LGALS9B: variants seen among roughly 807,000 people sequenced by gnomAD.
LGALS9B encodes galectin-9B.
In LGALS9B, 8 loss-of-function variants were observed where a neutral mutation model predicts 35.9. That is an observed-to-expected ratio of 0.22 (90% CI 0.13 to 0.40). The LOEUF (loss-of-function observed/expected upper bound fraction) is 0.40, where lower values mean the gene tolerates loss of function less well. Among genes scored for constraint, LGALS9B ranks in the 10% least tolerant of loss-of-function variants. The pLI is 1.00. For synonymous variants in LGALS9B, 42 were observed against 148.6 expected, an observed-to-expected ratio of 0.28 and a Z score of 5.22; for missense variants, 101 against 397.9, an observed-to-expected ratio of 0.25 and a Z score of 6.35.
At chr17:20,451,971 T>C in intron 8 of LGALS9B, 88 bp from the exon 9 acceptor site, 1 of 1,365,666 alleles carries the variant, frequency 7.3e-7, no homozygotes, top group Non-Finnish European at 1.0e-6. Flanking sequence ...CCCATGAATT[T>C]AGGCTGTCAG....
intron 1 of LGALS9B, among the ~76,000 whole-genome samples, chr17:20,466,891 C>A (rs2042766728): frequency 6.7e-6 from 1 of 148,394 alleles, no homozygotes; most frequent in Admixed American, 6.6e-5. Flanking sequence ...TGAAACACTC[C>A]CAAAGCACCT....
At chr17:20,451,745 T>G (rs4332792) in intron 9 of LGALS9B, 50 bp downstream of exon 9, 752,393 of 971,642 alleles carry the variant, frequency 0.77, 350,440 homozygotes, top group African/African-American at 0.98. Flanking sequence ...TGGCTGGAAT[T>G]ACCTTGAAGG....
In LGALS9B at chr17:20,454,521, A is replaced by G. The variant is rs575403767; in HGVS notation, c.540+782T>C. 2.0e-3 allele frequency among the ~76,000 whole-genome samples: 296 copies of G among 151,758 alleles called. 1 individual carries two copies. The highest frequency in any genetic ancestry group is 3.7e-3 in the Admixed American group (57 of 15,212). ...CACAGTCCCAGCCCTCTGGGGCCTC[A>G]TGGGCATAGGGAGATGGGGGTGGAG... On this transcript the variant is annotated intron_variant, in intron 5 of 10. Coordinates refer to ENST00000423676, the MANE Select transcript of LGALS9B (RefSeq NM_001367292.2).
intron 1 of LGALS9B, among the ~76,000 whole-genome samples, chr17:20,466,161 C>T (rs1212959771): frequency 6.6e-6 from 1 of 151,946 alleles, no homozygotes; most frequent in African/African-American, 2.4e-5. Context: ...TAAGGCTCGC[C>T]CAACACCGGC....
At chr17:20,454,428 A>G (rs1253825564) in intron 5 of LGALS9B, among the ~76,000 whole-genome samples, 1 of 151,654 alleles carries the variant, frequency 6.6e-6, no homozygotes. Flanking sequence ...GGCTGCGAAA[A>G]CCACATTCCA....
At chr17:20,466,907 G>A (rs1191434543) in intron 1 of LGALS9B, among the ~76,000 whole-genome samples, 2 of 148,022 alleles carry the variant, frequency 1.4e-5, no homozygotes, top group East Asian at 2.0e-4. Flanking sequence ...CACCTACAGT[G>A]TGTCAGGCAC....
At chr17:20,461,052 C>A (rs2042725898) in intron 1 of LGALS9B, among the ~76,000 whole-genome samples, 1 of 79,414 alleles carries the variant, frequency 1.3e-5, no homozygotes, top group African/African-American at 4.3e-5. Context: ...GAGCCTCTTC[C>A]CAGATGCCCT....
intron 1 of LGALS9B, among the ~76,000 whole-genome samples, chr17:20,465,905 G>A (rs1406513061): frequency 6.7e-6 from 1 of 150,116 alleles, no homozygotes; most frequent in Admixed American, 6.6e-5. Context: ...TAGGGTAGAG[G>A]GGAGCTCTGG....
At chr17:20,467,095 G>T (rs934602302) in intron 1 of LGALS9B, among the ~76,000 whole-genome samples, 1 of 143,504 alleles carries the variant, frequency 7.0e-6, no homozygotes, top group Non-Finnish European at 1.5e-5. Flanking sequence ...CTACCATGCC[G>T]GGTAGCATCC....
chr17:20,465,588 C>T (rs1383525342), intron 1 of LGALS9B, among the ~76,000 whole-genome samples: 2 of 73,214 alleles, frequency 2.7e-5, no homozygotes, highest in Non-Finnish European at 5.4e-5. Context: ...CTTCTAACCA[C>T]CACACAGGCT....
In LGALS9B at chr17:20,455,419, G is replaced by A. The variant is rs78888762; in HGVS notation, c.445-21C>T. 156 of 1,351,094 alleles carry A rather than the reference G, an allele frequency of 1.2e-4. 14 individuals are homozygous for A. In the East Asian group the frequency reaches 2.9e-3, roughly 26 times the overall value. 83.7% of individuals were successfully genotyped at this position (1,351,094 alleles called of 1,614,324 possible). A position where few individuals can be genotyped will look rare whatever the true frequency, so the allele number is the denominator to read the frequency against. On this transcript the variant is annotated intron_variant, in intron 4 of 10. Transcript: ENST00000423676. ...GGATTCTGTTAAAACAAAAGGCACC[G>A]GCCGGTGAGGAGAAGCATTAATAGA...
At chr17:20,453,278 A>C (rs1284965159) in intron 6 of LGALS9B, 1 of 566,198 alleles carries the variant, frequency 1.8e-6, no homozygotes, top group Admixed American at 3.4e-5. Context: ...GCTCTGGCCC[A>C]TCTTTCCTCT....
intron 1 of LGALS9B, among the ~76,000 whole-genome samples, chr17:20,466,416 A>T (rs574830311): frequency 6.6e-6 from 1 of 151,290 alleles, no homozygotes; most frequent in South Asian, 2.1e-4. Flanking sequence ...GGCCCCTGGC[A>T]GCTTCCCTGC....
intron 5 of LGALS9B, among the ~76,000 whole-genome samples, chr17:20,454,818 A>G: frequency 1.4e-5 from 2 of 144,724 alleles, no homozygotes; most frequent in Non-Finnish European, 1.5e-5. Flanking sequence ...AGGTTGCATG[A>G]GCTTCGTGGG....
At chr17:20,458,087 ATGTC>A in intron 3 of LGALS9B, 92 bp downstream of exon 3, 1 of 1,172,642 alleles carries the variant, frequency 8.5e-7, no homozygotes, top group Non-Finnish European at 1.2e-6. Context: ...CTCTGGCTGA[ATGTC>A]AATTAAAGTG....
intron 4 of LGALS9B, among the ~76,000 whole-genome samples, chr17:20,455,692 A>T (rs1276318657): frequency 6.7e-6 from 1 of 150,224 alleles, no homozygotes; most frequent in African/African-American, 2.4e-5. Context: ...CTGAGGGCCT[A>T]CTGTGCACTT....
At position 20,452,038 on chromosome 17, in the gene LGALS9B, T is replaced by A. The variant is rs1041958275; in HGVS notation, c.673-155A>T. ...TTCCATAAAAGCCAAAGGAAAACTT[T>A]CCGGTGCTCCTCAAATTAATGGGCT... On this transcript the variant is annotated intron_variant, in intron 8 of 10. Transcript: ENST00000423676. 5 of 1,061,214 alleles carry A rather than the reference T, an allele frequency of 4.7e-6. No individual in the cohort carries two copies. The African/African-American group carries it at 6.0e-5, about 13-fold the overall frequency. 65.7% of individuals were successfully genotyped at this position (1,061,214 alleles called of 1,614,324 possible).
chr17:20,451,676 A>C (rs773473106), intron 9 of LGALS9B, 33 bp from the exon 10 acceptor site: 1 of 1,584,312 alleles, frequency 6.3e-7, no homozygotes. Flanking sequence ...ACCTTTGTCC[A>C]CTGAGTTCTG....
rs371079477 is a variant in LGALS9B at position 20,455,334 on chromosome 17, A to G, written c.509T>C (p.Phe170Ser). The G allele has an allele frequency of 9.2e-5, 125 of 1,354,920 alleles. 4 individuals carry two copies. The African/African-American group carries it at 1.6e-3, about 17-fold the overall frequency. The allele number at this position is 1,354,920 out of a possible 1,614,324, so 83.9% of individuals were successfully genotyped here. A position where few individuals can be genotyped will look rare whatever the true frequency, so the allele number is the denominator to read the frequency against. ...TCTGCGCCCCCTGGGCCTGGGTGGG[A>G]AACAGACAGGCTGGGAGAACGGCAC... ...STVPFSQPVC[F>S]PPRPRGRRQK... Residue 170 changes from phenylalanine (F) to serine (S), a missense_variant, in exon 5 of 11, where the codon TTC becomes TCC. By Grantham distance (155) the Phe-to-Ser change is radical. Coordinates refer to ENST00000423676, the MANE Select transcript of LGALS9B (RefSeq NM_001367292.2).
Sources: gnomAD v4.1 joint callset for allele counts (sites outside exome capture counted in the v4.1 genomes callset) on GRCh38, gnomAD v4.1.1 for gene constraint, MANE v1.5 for transcripts, NCBI Gene and HGNC (gene_info 2026-07-23, HGNC 2026-07-21) for gene names.